Variants in SLC22A23 observed in about 807,000 individuals in gnomAD.
SLC22A23 encodes the protein ion transporter protein.
SLC22A23 carries 26 observed loss-of-function variants against 61.0 expected under a neutral mutation model. The observed-to-expected ratio is 0.43, with a 90% CI of 0.31 to 0.59. The LOEUF is 0.59. SLC22A23 is among the 20% of genes least tolerant of loss of function. The pLI is 0.11. For missense variants in SLC22A23, 796 were observed against 934.7 expected (o/e 0.85, Z 1.94); for synonymous variants, 430 against 413.9 (o/e 1.04, Z -0.47).
intron 1 of SLC22A23, among the ~76,000 whole-genome samples, chr6:3,437,260 A>G (rs1435036761): frequency 6.6e-6 from 1 of 152,224 alleles, no homozygotes. Context: ...ACCAAAAAAA[A>G]ACCCCAAAAC....
chr6:3,279,389 T>C lies in SLC22A23; in HGVS notation c.1703+4463A>G, dbSNP rs115465598. Among the ~76,000 whole-genome samples the C allele has an allele frequency of 9.0e-3, 1,358 of 151,374 alleles. 23 individuals are homozygous for C. Among genetic ancestry groups the C allele is most frequent in the African/African-American group, 0.031 (1,281 of 41,264 alleles). ...AGTTGGGTGTGGTGGCGCGTGCACG[T>C]AATCCCAGCTGCTTGGGAGGCTGAG... On this transcript the variant is annotated intron_variant, in intron 9 of 9. Transcript: ENST00000406686.
intron 5 of SLC22A23, among the ~76,000 whole-genome samples, chr6:3,296,379 G>A (rs1043915918): frequency 7.9e-5 from 12 of 152,250 alleles, no homozygotes; most frequent in African/African-American, 2.9e-4. Context: ...TAGCAGCTGT[G>A]TGACCTCTGG....
chr6:3,292,736 G>A (rs1252247682), intron 5 of SLC22A23, among the ~76,000 whole-genome samples: 2 of 152,224 alleles, frequency 1.3e-5, no homozygotes, highest in Non-Finnish European at 2.9e-5. Flanking sequence ...GCAAAGCTAC[G>A]CTCTCCTTGG....
intron 1 of SLC22A23, among the ~76,000 whole-genome samples, chr6:3,419,587 T>C (rs1007818967): frequency 6.6e-6 from 1 of 152,176 alleles, no homozygotes; most frequent in Non-Finnish European, 1.5e-5. Flanking sequence ...TTGGGTGGTC[T>C]GGGAGCCAAC....
chr6:3,393,044 G>A (rs1274052371), intron 3 of SLC22A23, among the ~76,000 whole-genome samples: 1 of 152,166 alleles, frequency 6.6e-6, no homozygotes, highest in Admixed American at 6.5e-5. Flanking sequence ...AGTGGGTGAG[G>A]TATCATGAAA....
rs1048568026 is a variant in SLC22A23 at position 3,387,273 on chromosome 6, G to A, written c.913+22915C>T. Among the ~76,000 whole-genome samples the A allele has an allele frequency of 7.2e-5, 11 of 152,220 alleles. No individual in the cohort carries two copies. The highest frequency in any genetic ancestry group is 2.4e-4 in the African/African-American group (10 of 41,466). On this transcript the variant is annotated intron_variant, in intron 3 of 9. Coordinates refer to ENST00000406686, the MANE Select transcript of SLC22A23 (RefSeq NM_015482.2). The surrounding 1 kb of genome is among the most constrained non-coding windows in gnomAD (Gnocchi z 5.0). Reference sequence around the variant, plus strand: ...GTGACCAGTGACAGCTCACGCTGACGTCAGAGCTCCTGCCTCGATACGACG... The same window carrying A: ...GTGACCAGTGACAGCTCACGCTGACATCAGAGCTCCTGCCTCGATACGACG...
intron 3 of SLC22A23, among the ~76,000 whole-genome samples, chr6:3,357,509 T>C (rs1765188649): frequency 6.6e-6 from 1 of 152,220 alleles, no homozygotes; most frequent in African/African-American, 2.4e-5. Context: ...CTACATCTAC[T>C]GTGTTTACTT....
rs1416105892 is a variant in SLC22A23, at chr6:3,342,278, A to T, written c.914-18276T>A. Among the ~76,000 whole-genome samples, 1 of 152,130 alleles carries T rather than the reference A, an allele frequency of 6.6e-6. No individual in the cohort carries two copies. Among genetic ancestry groups the T allele is most frequent in the East Asian group, 1.9e-4 (1 of 5,198 alleles). On this transcript the variant is annotated intron_variant, in intron 3 of 9. Transcript: ENST00000406686. The surrounding 1 kb of genome is among the most constrained non-coding windows in gnomAD (Gnocchi z 4.0). ...TAAGGCCATGTGTCTCCTTAACATA[A>T]CTCTTTTTCAAAAAGTCATTGGGTG...
rs542821169 is a variant in SLC22A23, at chr6:3,356,319, C to T, written c.914-32317G>A. Among the ~76,000 whole-genome samples, 4 of 151,578 alleles carry T rather than the reference C, an allele frequency of 2.6e-5. 1 individual carries two copies. The highest frequency in any genetic ancestry group is 9.7e-5 in the African/African-American group (4 of 41,268). On this transcript the variant is annotated intron_variant, in intron 3 of 9. Transcript: ENST00000406686. ...AGGAAACCGGTGGGCCATGGAACCG[C>T]TGACAGGATTGGATGGTAAAACAGT...
rs187316712 is a variant in SLC22A23 at position 3,355,108 on chromosome 6, A to C, written c.914-31106T>G. Among the ~76,000 whole-genome samples the C allele has an allele frequency of 1.3e-3, 193 of 152,158 alleles. 3 individuals carry two copies. Among genetic ancestry groups the C allele is most frequent in the African/African-American group, 4.6e-3 (189 of 41,524 alleles). On this transcript the variant is annotated intron_variant, in intron 3 of 9. Transcript: ENST00000406686. Reference sequence around the variant, plus strand: ...GCGCCTCTCCACATGGCAGTATTCAAATCCTTATCTTTGGGCTCCTACCCT... The same window carrying C: ...GCGCCTCTCCACATGGCAGTATTCACATCCTTATCTTTGGGCTCCTACCCT...
In SLC22A23 at chr6:3,414,318, T is replaced by C. The variant is rs1454361081; in HGVS notation, c.758+1434A>G. ...ACCAATATAGCCCACACTAGAAACC[T>C]ATGAACTCAAGTATTTGGTTTAAAA... On this transcript the variant is annotated intron_variant, in intron 2 of 9. Coordinates refer to ENST00000406686, the MANE Select transcript of SLC22A23 (RefSeq NM_015482.2). The surrounding 1 kb of genome is among the most constrained non-coding windows in gnomAD (Gnocchi z 5.1). Among the ~76,000 whole-genome samples the C allele has an allele frequency of 6.6e-6, 1 of 152,170 alleles. No homozygotes were observed. The highest frequency in any genetic ancestry group is 1.9e-4 in the East Asian group (1 of 5,196).
At chr6:3,280,794 C>A (rs1314113032) in intron 9 of SLC22A23, among the ~76,000 whole-genome samples, 1 of 152,210 alleles carries the variant, frequency 6.6e-6, no homozygotes, top group Non-Finnish European at 1.5e-5. Flanking sequence ...CCGTGCCCGG[C>A]CTTTAAGATA....
chr6:3,452,454 C>T (rs1363713706), intron 1 of SLC22A23, among the ~76,000 whole-genome samples: 1 of 151,722 alleles, frequency 6.6e-6, no homozygotes, highest in Non-Finnish European at 1.5e-5. Flanking sequence ...TAAAAATGAG[C>T]CAGGTGTGGT....
intron 3 of SLC22A23, among the ~76,000 whole-genome samples, chr6:3,405,722 G>A (rs1182237035): frequency 6.6e-6 from 1 of 151,642 alleles, no homozygotes; most frequent in African/African-American, 2.4e-5. Flanking sequence ...ATATCAAAGT[G>A]TAAAAATATA....
At chr6:3,389,277 A>G (rs1767512750) in intron 3 of SLC22A23, among the ~76,000 whole-genome samples, 1 of 146,664 alleles carries the variant, frequency 6.8e-6, no homozygotes, top group Admixed American at 6.7e-5. Flanking sequence ...TCAAAAAAAA[A>G]AAAAAAAAAA....
intron 3 of SLC22A23, among the ~76,000 whole-genome samples, chr6:3,338,516 G>C (rs780575942): frequency 1.4e-4 from 21 of 152,214 alleles, no homozygotes; most frequent in Non-Finnish European, 2.9e-4. Flanking sequence ...TAGGAGACAG[G>C]GTTTCACCAT....
chr6:3,275,465 T>C (rs892412283), intron 9 of SLC22A23, among the ~76,000 whole-genome samples: 1 of 152,200 alleles, frequency 6.6e-6, no homozygotes, highest in Non-Finnish European at 1.5e-5. Context: ...AGCTGATCAA[T>C]TGGACTTCAT....
At chr6:3,287,678 T>TG (rs1236973356) in intron 6 of SLC22A23, among the ~76,000 whole-genome samples, 6 of 140,252 alleles carry the variant, frequency 4.3e-5, no homozygotes, top group Admixed American at 1.4e-4. Flanking sequence ...GGAAACTGTT[T>TG]TTTTTTTTGT....
chr6:3,314,291 A>AT, intron 4 of SLC22A23, among the ~76,000 whole-genome samples: 1 of 152,334 alleles, frequency 6.6e-6, no homozygotes, highest in South Asian at 2.1e-4. Context: ...CTTGCCCGGC[A>AT]TTCCAGGTCC....
Sources: gnomAD v4.1 joint callset for allele counts (sites outside exome capture counted in the v4.1 genomes callset) on GRCh38, gnomAD v4.1.1 for gene constraint, Gnocchi (gnomAD v3.1) non-coding constraint, MANE v1.5 for transcripts, NCBI Gene and HGNC (gene_info 2026-07-23, HGNC 2026-07-21) for gene names.